The following PDE11A variants were observed in gnomAD, a reference collection of about 807,000 sequenced individuals.
PDE11A encodes the protein dual 3',5'-cyclic-AMP and -GMP phosphodiesterase 11A.
A neutral mutation model predicts 100.5 loss-of-function variants in PDE11A; 100 were observed. That is an observed-to-expected ratio of 1.00 (90% CI 0.85 to 1.18). The LOEUF is 1.18. Ranked by LOEUF, PDE11A falls within the 50% of genes most tolerant of loss-of-function variation. PDE11A has a pLI of 0.00. For synonymous variants in PDE11A, 381 were observed against 420.8 expected, an observed-to-expected ratio of 0.91 and a Z score of 1.16; for missense variants, 1,141 against 1,152.6, an observed-to-expected ratio of 0.99 and a Z score of 0.15.
At chr2:177,945,036 G>T (rs1411364027) in intron 2 of PDE11A, among the ~76,000 whole-genome samples, 1 of 148,542 alleles carries the variant, frequency 6.7e-6, no homozygotes, top group Non-Finnish European at 1.5e-5. Flanking sequence ...TGGCCCGGCC[G>T]GTCTCCAGCC....
chr2:177,631,562 TATATATACATGTATATATATATACACAC>T (rs1184104201), intron 19 of PDE11A, among the ~76,000 whole-genome samples: 1,814 of 39,612 alleles, frequency 0.046, 176 homozygotes, highest in African/African-American at 0.14. Context: ...TGTATATATA[TATATATACATGTATATATATATACACAC>T]ACATATATAT....
intron 4 of PDE11A, among the ~76,000 whole-genome samples, chr2:177,894,475 C>G (rs2084578542): frequency 6.6e-6 from 1 of 152,146 alleles, no homozygotes; most frequent in African/African-American, 2.4e-5. Context: ...AAATCCTACT[C>G]TAACTGAACA....
chr2:178,009,462 C>T (rs1051634648), intron 2 of PDE11A, among the ~76,000 whole-genome samples: 2 of 152,108 alleles, frequency 1.3e-5, no homozygotes, highest in African/African-American at 4.8e-5. Flanking sequence ...ATATTTCATA[C>T]AAACTCTCAC....
At chr2:177,840,097 T>C (rs1273272052) in intron 6 of PDE11A, among the ~76,000 whole-genome samples, 154 bp downstream of exon 6, 1 of 152,242 alleles carries the variant, frequency 6.6e-6, no homozygotes, top group Non-Finnish European at 1.5e-5. Flanking sequence ...GACAAGTTTT[T>C]CTAACTTAGA....
intron 4 of PDE11A, among the ~76,000 whole-genome samples, chr2:177,892,853 C>A (rs2084551905): frequency 6.6e-6 from 1 of 152,200 alleles, no homozygotes; most frequent in African/African-American, 2.4e-5. Flanking sequence ...CAGGCCCCAG[C>A]CCTCATCTGT....
chr2:177,794,220 T>G (rs1394091043), intron 9 of PDE11A, among the ~76,000 whole-genome samples: 1 of 152,034 alleles, frequency 6.6e-6, no homozygotes, highest in African/African-American at 2.4e-5. Flanking sequence ...CACTGAATAG[T>G]ACAAATAAAA....
At chr2:177,682,063 A>G (rs761232822) in intron 15 of PDE11A, among the ~76,000 whole-genome samples, 2 of 152,134 alleles carry the variant, frequency 1.3e-5, no homozygotes, top group African/African-American at 2.4e-5. Flanking sequence ...AACATTTACA[A>G]TTTATTCTGG....
At chr2:177,790,504 A>G (rs1374454496) in intron 9 of PDE11A, among the ~76,000 whole-genome samples, 1 of 152,100 alleles carries the variant, frequency 6.6e-6, no homozygotes, top group Non-Finnish European at 1.5e-5. Context: ...CCAAAACACC[A>G]AAAGCAATGG....
intron 2 of PDE11A, among the ~76,000 whole-genome samples, chr2:177,923,318 G>A (rs1301826731): frequency 6.6e-6 from 1 of 151,728 alleles, no homozygotes; most frequent in African/African-American, 2.4e-5. Context: ...CTATGATTGT[G>A]CCACTGCACT....
chr2:177,755,839 T>A (rs1388766970), intron 10 of PDE11A, among the ~76,000 whole-genome samples: 1 of 152,194 alleles, frequency 6.6e-6, no homozygotes, highest in Non-Finnish European at 1.5e-5. Context: ...AAGGGCTCCA[T>A]GTGCAATGTG....
intron 19 of PDE11A, among the ~76,000 whole-genome samples, chr2:177,649,337 C>T (rs1285567282): frequency 6.6e-6 from 1 of 152,052 alleles, no homozygotes; most frequent in African/African-American, 2.4e-5. Flanking sequence ...TTGTTTACAA[C>T]AGCAAACAAT....
intron 1 of PDE11A, among the ~76,000 whole-genome samples, chr2:178,067,902 ACCCTTCAGCGT>A (rs963025647): frequency 3.3e-5 from 5 of 152,092 alleles, no homozygotes; most frequent in African/African-American, 1.2e-4. Context: ...CGCACCTGTA[ACCCTTCAGCGT>A]CATCCCCTTT....
In PDE11A at chr2:177,840,265, G is replaced by C; in HGVS notation, c.1486C>G (p.Arg496Gly). The change falls in exon 6 of 20, where the codon CGC (arginine) becomes GGC (glycine). Residue 496 changes from arginine to glycine, a missense_variant. Coordinates refer to ENST00000286063, the MANE Select transcript of PDE11A (RefSeq NM_016953.4). ...GCTCCTCTTACCTCTGCATCAAAGC[G>C]CGGATCCTGGTAGGCATCACTGATG... ...VNISDAYQDP[R>G]FDAEADQISG... 1 of 1,614,080 alleles carries C rather than the reference G, an allele frequency of 6.2e-7. No individual in the cohort carries two copies. Among genetic ancestry groups the C allele is most frequent in the South Asian group, 1.1e-5 (1 of 91,062 alleles).
intron 1 of PDE11A, among the ~76,000 whole-genome samples, chr2:178,040,001 G>A (rs2086664290): frequency 1.3e-5 from 2 of 151,638 alleles, no homozygotes; most frequent in Admixed American, 1.3e-4. Flanking sequence ...TGAAGGTGGT[G>A]GTGACAAGAG....
rs75537246 is a variant in PDE11A at position 177,693,865 on chromosome 2, A to C, written c.2345+3467T>G. Among the ~76,000 whole-genome samples the C allele has an allele frequency of 2.6e-3, 401 of 152,348 alleles. 2 individuals are homozygous for C. The highest frequency in any genetic ancestry group is 0.01 in the Middle Eastern group (3 of 294). The stretch of plus-strand genomic sequence containing the variant: ...GATGAATTGGATTGCATCATTTCTA[A>C]GATCCTTCCGATTCCACAATTGCAC... On this transcript the variant is annotated intron_variant, in intron 15 of 19. Coordinates refer to ENST00000286063, the MANE Select transcript of PDE11A (RefSeq NM_016953.4).
At chr2:178,090,259 T>C (rs2087405179) in intron 2 of PDE11A, among the ~76,000 whole-genome samples, 1 of 152,228 alleles carries the variant, frequency 6.6e-6, no homozygotes, top group African/African-American at 2.4e-5. Context: ...AAATAATATA[T>C]ATTCAATAAT....
intron 9 of PDE11A, among the ~76,000 whole-genome samples, chr2:177,776,081 T>G (rs1254453229): frequency 6.6e-6 from 1 of 152,200 alleles, no homozygotes; most frequent in Non-Finnish European, 1.5e-5. Context: ...TTTGTATTAT[T>G]AATGGCCTGA....
intron 6 of PDE11A, 134 bp downstream of exon 6, chr2:177,840,117 A>T: frequency 1.2e-6 from 1 of 867,826 alleles, no homozygotes. Flanking sequence ...AGTCAACAGT[A>T]GGCAATGCTA....
intron 1 of PDE11A, among the ~76,000 whole-genome samples, chr2:178,035,518 T>G (rs2105844477): frequency 6.6e-6 from 1 of 152,324 alleles, no homozygotes; most frequent in Non-Finnish European, 1.5e-5. Flanking sequence ...CCTCCCTAAC[T>G]CATTTTATGA....
Sources: allele counts gnomAD v4.1 joint callset (sites outside exome capture counted in the v4.1 genomes callset), GRCh38; gene constraint gnomAD v4.1.1; transcripts MANE v1.5; gene names NCBI Gene and HGNC (gene_info 2026-07-23, HGNC 2026-07-21).